JDP2: variants seen among roughly 807,000 people sequenced by gnomAD.
JDP2 encodes the protein Jun dimerization protein 2.
A neutral mutation model predicts 17.1 loss-of-function variants in JDP2; 9 were observed. The observed-to-expected ratio is 0.53, with a 90% confidence interval of 0.32 to 0.92. JDP2 has a LOEUF of 0.92. Ranked by LOEUF, JDP2 falls within the 40% of genes least tolerant of loss-of-function variation. The pLI is 0.04. For missense variants in JDP2, 179 were observed against 220.0 expected (o/e 0.81, Z 1.18); for synonymous variants, 107 against 95.6 (o/e 1.12, Z -0.69).
At position 75,469,542 on chromosome 14, in the gene JDP2, G is replaced by C. The variant is rs1309293217; in HGVS notation, c.*67G>C. 2 of 1,507,668 alleles carry C rather than the reference G, an allele frequency of 1.3e-6. No individual in the cohort carries two copies. The highest frequency in any genetic ancestry group is 9.0e-7 in the Non-Finnish European group (1 of 1,113,702). 93.4% of individuals were successfully genotyped at this position (1,507,668 alleles called of 1,614,324 possible). A position where few individuals can be genotyped will look rare whatever the true frequency, so the allele number is the denominator to read the frequency against. On this transcript the variant is annotated 3_prime_UTR_variant, in exon 4 of 4. Coordinates refer to ENST00000651602, the MANE Select transcript of JDP2 (RefSeq NM_001135048.2). Reference sequence around the variant, plus strand: ...GAAAAGTGACGAAGAGAGAGGAGGAGGGGGGCCCCAGATGGCCCTTCCTTT... The same window carrying C: ...GAAAAGTGACGAAGAGAGAGGAGGACGGGGGCCCCAGATGGCCCTTCCTTT...
At chr14:75,438,497 A>G (rs553661238) in intron 2 of JDP2, among the ~76,000 whole-genome samples, 1 of 152,306 alleles carries the variant, frequency 6.6e-6, no homozygotes, top group South Asian at 2.1e-4. Flanking sequence ...GAATGTGTAC[A>G]TGTTTTGAAA....
At chr14:75,468,596 G>A (rs866366092) in intron 3 of JDP2, among the ~76,000 whole-genome samples, 17 of 152,154 alleles carry the variant, frequency 1.1e-4, no homozygotes, top group East Asian at 1.9e-4. Flanking sequence ...CAGCTGAGCC[G>A]GAAGTTCCCT....
At chr14:75,447,662 G>C (rs189301296) in intron 2 of JDP2, among the ~76,000 whole-genome samples, 7 of 152,146 alleles carry the variant, frequency 4.6e-5, no homozygotes, top group Admixed American at 3.9e-4. Flanking sequence ...ATCTGTCTAT[G>C]TTTTTTATTT....
At chr14:75,460,395 G>A (rs1184320655) in intron 2 of JDP2, among the ~76,000 whole-genome samples, 6 of 152,200 alleles carry the variant, frequency 3.9e-5, no homozygotes, top group Admixed American at 1.3e-4. Context: ...CCAGCATTTG[G>A]AAAGGGCCAA....
At chr14:75,453,964 C>T (rs561368069) in intron 2 of JDP2, among the ~76,000 whole-genome samples, 5 of 152,208 alleles carry the variant, frequency 3.3e-5, no homozygotes, top group South Asian at 4.1e-4. Context: ...GTATTTTCAG[C>T]GCCTTGGGTT....
intron 2 of JDP2, among the ~76,000 whole-genome samples, chr14:75,458,499 C>T (rs61978934): frequency 0.051 from 7,703 of 152,244 alleles, 311 homozygotes; most frequent in Admixed American, 0.099. Flanking sequence ...AGGACATGAT[C>T]CTGTTCCTTT....
At chr14:75,444,388 T>C (rs8010786) in intron 2 of JDP2, among the ~76,000 whole-genome samples, 82,573 of 151,686 alleles carry the variant, frequency 0.54, 24,004 homozygotes, top group African/African-American at 0.77. Flanking sequence ...GGGTATTTTG[T>C]CCTCGGAGAT....
chr14:75,456,256 C>G (rs1420927461), intron 2 of JDP2, among the ~76,000 whole-genome samples: 1 of 152,244 alleles, frequency 6.6e-6, no homozygotes, highest in African/African-American at 2.4e-5. Context: ...GTTCCTCTGT[C>G]TGTGCCGTTG....
intron 2 of JDP2, among the ~76,000 whole-genome samples, chr14:75,454,539 G>A (rs1477153048): frequency 6.6e-6 from 1 of 152,234 alleles, no homozygotes; most frequent in Non-Finnish European, 1.5e-5. Flanking sequence ...TGGTGAAGGT[G>A]ATGATAGACT....
At chr14:75,457,765 CA>C (rs2139987533) in intron 2 of JDP2, among the ~76,000 whole-genome samples, 1 of 152,350 alleles carries the variant, frequency 6.6e-6, no homozygotes, top group South Asian at 2.1e-4. Context: ...CCTGTGCCCC[CA>C]AATCTAAACT....
chr14:75,469,501 G>A lies in JDP2; in HGVS notation c.*26G>A. 1 of 1,601,618 alleles carries A rather than the reference G, an allele frequency of 6.2e-7. No homozygotes were observed. Among genetic ancestry groups the A allele is most frequent in the Non-Finnish European group, 8.5e-7 (1 of 1,173,398 alleles). ...CCATGGGCTGGGAGGAGGTGGAGGA[G>A]GAGGAAGAGGAGAAGGAAAAGTGAC... On this transcript the variant is annotated 3_prime_UTR_variant, in exon 4 of 4. Coordinates refer to ENST00000651602, the MANE Select transcript of JDP2 (RefSeq NM_001135048.2).
intron 2 of JDP2, among the ~76,000 whole-genome samples, chr14:75,450,051 G>GGGT (rs2139973491): frequency 6.6e-6 from 1 of 152,232 alleles, no homozygotes; most frequent in South Asian, 2.1e-4. Flanking sequence ...GTTGTTTTTG[G>GGGT]GGTTCTCTTA....
rs1884657491 is a variant in JDP2, at chr14:75,428,835, C to T, written c.-24+583C>T. On this transcript the variant is annotated intron_variant, in intron 1 of 3. Transcript: ENST00000651602. The surrounding 1 kb of genome is among the most constrained non-coding windows in gnomAD (Gnocchi z 5.6). Reference sequence around the variant, plus strand: ...GCAGCTTCTCTCATGGCCATTGCTTCGGAGCTCTGGGCTGGGAGGGGATCT... The same window carrying T: ...GCAGCTTCTCTCATGGCCATTGCTTTGGAGCTCTGGGCTGGGAGGGGATCT... Among the ~76,000 whole-genome samples, 1 of 152,132 alleles carries T rather than the reference C, an allele frequency of 6.6e-6. No homozygotes were observed. The highest frequency in any genetic ancestry group is 1.5e-5 in the Non-Finnish European group (1 of 68,018).
In JDP2 at chr14:75,471,524, G is replaced by A. The variant is rs1365609844; in HGVS notation, c.*2049G>A. 6.6e-6 allele frequency: 1 copy of A among 152,236 alleles called. No individual in the cohort carries two copies. The highest frequency in any genetic ancestry group is 1.5e-5 in the Non-Finnish European group (1 of 68,046). The allele number at this position is 152,236 out of a possible 1,614,324, so 9.4% of individuals were successfully genotyped here. On this transcript the variant is annotated 3_prime_UTR_variant, in exon 4 of 4. Transcript: ENST00000651602. ...CTTAGGATAACTAGTTGCTGGTGAT[G>A]ACTTCGTGTCAAGAACAGCAGTGAA...
At chr14:75,432,497 G>A (rs914973790) in intron 1 of JDP2, among the ~76,000 whole-genome samples, 34 of 152,132 alleles carry the variant, frequency 2.2e-4, no homozygotes, top group Non-Finnish European at 8.8e-5. Context: ...ATGCCCTGCC[G>A]TCGACTTCCA....
At chr14:75,447,995 A>G (rs1885682766) in intron 2 of JDP2, among the ~76,000 whole-genome samples, 1 of 152,126 alleles carries the variant, frequency 6.6e-6, no homozygotes, top group South Asian at 2.1e-4. Flanking sequence ...TACCATTTGT[A>G]ACTAACTACT....
At chr14:75,466,839 C>T (rs771637689) in intron 3 of JDP2, among the ~76,000 whole-genome samples, 1 of 152,202 alleles carries the variant, frequency 6.6e-6, no homozygotes, top group Non-Finnish European at 1.5e-5. Context: ...ATAGTCAGCT[C>T]TCTGCCCTAT....
intron 3 of JDP2, among the ~76,000 whole-genome samples, chr14:75,466,045 AAAAG>A (rs1886557415): frequency 6.6e-6 from 1 of 152,240 alleles, no homozygotes; most frequent in Admixed American, 6.5e-5. Flanking sequence ...GTTTAAAAAA[AAAAG>A]ATTCTTCTGA....
chr14:75,468,961 C>T (rs1886687886), intron 3 of JDP2, among the ~76,000 whole-genome samples: 1 of 152,202 alleles, frequency 6.6e-6, no homozygotes, highest in Non-Finnish European at 1.5e-5. Flanking sequence ...TGTGCAAAGG[C>T]CCTGAGGCGG....
Sources: allele counts gnomAD v4.1 joint callset (sites outside exome capture counted in the v4.1 genomes callset), GRCh38; gene constraint gnomAD v4.1.1; non-coding constraint Gnocchi (gnomAD v3.1); transcripts MANE v1.5; gene names NCBI Gene and HGNC (gene_info 2026-07-23, HGNC 2026-07-21).